Variants in ZNF287 observed in about 807,000 individuals in gnomAD.
ZNF287 encodes the protein zinc finger protein 287.
In ZNF287, 31 loss-of-function variants were observed where a neutral mutation model predicts 73.7. The ratio of observed to expected loss-of-function variants is 0.42; its 90% confidence interval spans 0.32 to 0.57. ZNF287 has a LOEUF of 0.57. ZNF287 is among the 20% of genes least tolerant of loss of function. The pLI is 0.13. For missense variants in ZNF287, 641 were observed against 909.3 expected (o/e 0.70, Z 3.79); for synonymous variants, 301 against 307.2 (o/e 0.98, Z 0.21).
In ZNF287 at chr17:16,553,204, T is replaced by A; in HGVS notation, c.938A>T (p.Lys313Ile). Residue 313 changes from lysine (K) to isoleucine (I), a missense_variant, in exon 6 of 6, where the codon AAA (lysine) becomes ATA (isoleucine). Physicochemically the swap from Lys to Ile is moderately radical, Grantham distance 102. This residue lies in a region of ZNF287 where 357 missense variants were observed against 442.4 expected (regional missense o/e 0.81). Transcript: ENST00000395825. ...EYDPTEECLSKYDIYRNNFEK... is the reference protein window; with the variant it reads ...EYDPTEECLSIYDIYRNNFEK... ...AAAATTATTTCTATATATATCATAT[T>A]TACTAAGACATTCTTCTGTAGGATC... 6.2e-7 allele frequency: 1 copy of A among 1,601,216 alleles called. No homozygotes were observed. The highest frequency in any genetic ancestry group is 2.2e-5 in the East Asian group (1 of 44,818).
chr17:16,558,559 C>CA (rs959932598), intron 5 of ZNF287, among the ~76,000 whole-genome samples: 1 of 152,194 alleles, frequency 6.6e-6, no homozygotes, highest in African/African-American at 2.4e-5. Flanking sequence ...CTCAGCCTCT[C>CA]AAAGTGCTGG....
At chr17:16,563,957 G>T in intron 3 of ZNF287, 132 bp from the exon 4 acceptor site, 1 of 1,022,620 alleles carries the variant, frequency 9.8e-7, no homozygotes. Context: ...AAGTTGTCTA[G>T]TCAAAACCCT....
chr17:16,553,121 C>A lies in ZNF287; in HGVS notation c.1021G>T (p.Val341Leu). The part of the protein sequence containing the change: ...FDTQLDNKTS[V>L]YNEGRATFNH... ...AAGGTTGCCCTGCCTTCATTATACA[C>A]AGAAGTTTTATTATCTAATTGGGTA... is the stretch of plus-strand genomic sequence containing the variant. Residue 341 changes from valine (V) to leucine (L), a missense_variant, in exon 6 of 6, where the codon GTG (valine) becomes TTG (leucine). This residue lies in a region of ZNF287 where 357 missense variants were observed against 442.4 expected (regional missense o/e 0.81). Coordinates refer to ENST00000395825, the MANE Select transcript of ZNF287 (RefSeq NM_020653.4). 6.2e-7 allele frequency: 1 copy of A among 1,613,772 alleles called. No homozygotes were observed. Among genetic ancestry groups the A allele is most frequent in the Non-Finnish European group, 8.5e-7 (1 of 1,179,658 alleles).
chr17:16,558,324 G>C (rs1364976560), intron 5 of ZNF287: 1 of 151,212 alleles, frequency 6.6e-6, no homozygotes, highest in Non-Finnish European at 1.5e-5. Context: ...CTTTGAGACA[G>C]TCTTACTCTG....
chr17:16,553,283 T>G lies in ZNF287; in HGVS notation c.859A>C (p.Ile287Leu), dbSNP rs756391252. The part of the protein sequence containing the change: ...ERRGKGGFWK[I>L]HTDERGFSLK... ...CTGAAACCTCTTTCATCAGTGTGAA[T>G]TTTCCAGAAGCCACCTTTTCCTCGC... The change falls in exon 6 of 6, where the codon ATT becomes CTT. Residue 287 changes from isoleucine (I) to leucine (L), a missense_variant. Coordinates refer to ENST00000395825, the MANE Select transcript of ZNF287 (RefSeq NM_020653.4). 8.7e-6 allele frequency: 14 copies of G among 1,613,928 alleles called. No homozygotes were observed. The East Asian group carries it at 3.1e-4, about 36-fold the overall frequency.
At chr17:16,567,265 G>A (rs1186843377) in intron 2 of ZNF287, 64 bp downstream of exon 2, 1 of 1,543,780 alleles carries the variant, frequency 6.5e-7, no homozygotes, top group African/African-American at 1.4e-5. Flanking sequence ...GAGCTGCTCA[G>A]ATGTGCTAGT....
At position 16,566,409 on chromosome 17, in the gene ZNF287, TG is replaced by T. The variant is rs550798961; in HGVS notation, c.501+115del. ...GACCAAGATAACATAGGAGAGAAAC[TG>T]GGGCTTAAGTCCTTGATAGAGCTTC... On this transcript the variant is annotated intron_variant, in intron 3 of 5. Transcript: ENST00000395825. 7.2e-5 allele frequency: 55 copies of T among 760,160 alleles called. No individual in the cohort carries two copies. The South Asian group carries it at 9.9e-4, about 14-fold the overall frequency. 47.1% of individuals were successfully genotyped at this position (760,160 alleles called of 1,614,324 possible). A position where few individuals can be genotyped will look rare whatever the true frequency, so the allele number is the denominator to read the frequency against.
chr17:16,564,440 C>T (rs1288754290), intron 3 of ZNF287, among the ~76,000 whole-genome samples: 1 of 151,898 alleles, frequency 6.6e-6, no homozygotes, highest in Non-Finnish European at 1.5e-5. Context: ...TGAACTCAAG[C>T]GATCCTTCAC....
At position 16,550,555 on chromosome 17, in the gene ZNF287, T is replaced by A. The variant is rs1906580317; in HGVS notation, c.*1301A>T. Among the ~76,000 whole-genome samples, 1 of 152,212 alleles carries A rather than the reference T, an allele frequency of 6.6e-6. No individual in the cohort carries two copies. The highest frequency in any genetic ancestry group is 1.5e-5 in the Non-Finnish European group (1 of 68,028). ...ACTTCCACTTCCTTCTCTTGGGATA[T>A]AGGTAGCATTTGGCAACCCATTTTA... On this transcript the variant is annotated 3_prime_UTR_variant, in exon 6 of 6. Coordinates refer to ENST00000395825, the MANE Select transcript of ZNF287 (RefSeq NM_020653.4).
In ZNF287 at chr17:16,551,734, C is replaced by A; in HGVS notation, c.*122G>T. On this transcript the variant is annotated 3_prime_UTR_variant, in exon 6 of 6. Transcript: ENST00000395825. ...TATATCCATACCACTACTTCTGATA[C>A]TTCTGCTGAGTATCTAACATATTGC... 4 of 1,064,864 alleles carry A rather than the reference C, an allele frequency of 3.8e-6. No individual in the cohort carries two copies. Among genetic ancestry groups the A allele is most frequent in the Non-Finnish European group, 4.1e-6 (3 of 733,836 alleles). 66.0% of individuals were successfully genotyped at this position (1,064,864 alleles called of 1,614,324 possible).
Position 16,550,512 on chromosome 17 carries a change from T to G in ZNF287, c.*1344A>C, listed in dbSNP as rs1906577274. 6.6e-6 allele frequency among the ~76,000 whole-genome samples: 1 copy of G among 152,194 alleles called. No individual in the cohort carries two copies. Among genetic ancestry groups the G allele is most frequent in the Non-Finnish European group, 1.5e-5 (1 of 68,028 alleles). On this transcript the variant is annotated 3_prime_UTR_variant, in exon 6 of 6. Transcript: ENST00000395825. The stretch of plus-strand genomic sequence containing the variant: ...ATTTTCCATTTTTTTCTCACATTAT[T>G]TATATAGCTACACTATCACTTCCAC...
At chr17:16,566,205 T>G (rs967704503) in intron 3 of ZNF287, among the ~76,000 whole-genome samples, 1 of 152,204 alleles carries the variant, frequency 6.6e-6, no homozygotes, top group Non-Finnish European at 1.5e-5. Flanking sequence ...TTAAGTATCT[T>G]GTCCCAAATT....
intron 3 of ZNF287, 99 bp from the exon 4 acceptor site, chr17:16,563,924 T>A (rs1907595278): frequency 7.0e-7 from 1 of 1,424,748 alleles, no homozygotes; most frequent in Admixed American, 2.1e-5. Context: ...GTCACAGAAT[T>A]TTAAGCTTTA....
rs770946546 is a variant in ZNF287 at position 16,553,304 on chromosome 17, C to T, written c.838G>A (p.Gly280Arg). 1 of 1,613,922 alleles carries T rather than the reference C, an allele frequency of 6.2e-7. No homozygotes were observed. Among genetic ancestry groups the T allele is most frequent in the Admixed American group, 1.7e-5 (1 of 60,024 alleles). ...YDYDDRLERR[G>R]KGGFWKIHTD... ...TGAATTTTCCAGAAGCCACCTTTTC[C>T]TCGCCTCTCTAGTCTATCATCGTAG... is the stretch of plus-strand genomic sequence containing the variant. Residue 280 changes from glycine to arginine, a missense_variant, in exon 6 of 6, where the codon GGA becomes AGA. Physicochemically the swap from Gly to Arg is moderately radical, Grantham distance 125 (BLOSUM62 -2). This residue lies in a region of ZNF287 where 357 missense variants were observed against 442.4 expected (regional missense o/e 0.81). Coordinates refer to ENST00000395825, the MANE Select transcript of ZNF287 (RefSeq NM_020653.4).
At chr17:16,564,488 C>CA (rs1230310043) in intron 3 of ZNF287, among the ~76,000 whole-genome samples, 1 of 152,132 alleles carries the variant, frequency 6.6e-6, no homozygotes, top group Non-Finnish European at 1.5e-5. Flanking sequence ...AGGAGTGATC[C>CA]ACCAGGCCTG....
intron 5 of ZNF287, among the ~76,000 whole-genome samples, chr17:16,555,344 C>T (rs1906975778): frequency 6.6e-6 from 1 of 152,116 alleles, no homozygotes; most frequent in Non-Finnish European, 1.5e-5. Flanking sequence ...CACTGTCATA[C>T]ATGCAGTTTG....
At chr17:16,560,308 GTGTA>G (rs762764324) in intron 5 of ZNF287, among the ~76,000 whole-genome samples, 5 of 137,300 alleles carry the variant, frequency 3.6e-5, no homozygotes, top group Non-Finnish European at 1.6e-5. Flanking sequence ...GTCAACAGTG[GTGTA>G]TATATATATA....
chr17:16,551,830 A>AACCG lies in ZNF287; in HGVS notation c.*22_*25dup. 6.5e-7 allele frequency: 1 copy of AACCG among 1,542,008 alleles called. No homozygotes were observed. Among genetic ancestry groups the AACCG allele is most frequent in the Non-Finnish European group, 8.7e-7 (1 of 1,147,164 alleles). Reference sequence around the variant, plus strand: ...AAACAAAATTGAAACAAAGTTGTAAAACCGAATTGAAGTTTCCCTTATCCA... The same window carrying AACCG: ...AAACAAAATTGAAACAAAGTTGTAAAACCGACCGAATTGAAGTTTCCCTTATCCA... On this transcript the variant is annotated 3_prime_UTR_variant, in exon 6 of 6. Coordinates refer to ENST00000395825, the MANE Select transcript of ZNF287 (RefSeq NM_020653.4).
rs9905671 is a variant in ZNF287 at position 16,560,998 on chromosome 17, G to A, written c.715+2148C>T. ...AACCTGAGCAACAGACCGAGACTCC[G>A]TCTCAAAAAAAAAAGAAAGAAAATC... On this transcript the variant is annotated intron_variant, in intron 5 of 5. Transcript: ENST00000395825. 6.7e-3 allele frequency among the ~76,000 whole-genome samples: 966 copies of A among 143,954 alleles called. 10 individuals carry two copies. The highest frequency in any genetic ancestry group is 0.023 in the African/African-American group (899 of 38,814). 94.4% of individuals were successfully genotyped at this position (143,954 alleles called of 152,430 possible).
Sources: allele counts gnomAD v4.1 joint callset (sites outside exome capture counted in the v4.1 genomes callset), GRCh38; gene constraint gnomAD v4.1.1; regional missense constraint gnomAD v4.1.1; transcripts MANE v1.5; gene names NCBI Gene and HGNC (gene_info 2026-07-23, HGNC 2026-07-21).